Variants in NAA11 observed in about 807,000 individuals in gnomAD.
NAA11 encodes N-alpha-acetyltransferase 11.
A neutral mutation model predicts 16.1 loss-of-function variants in NAA11; 15 were observed. That is an observed-to-expected ratio of 0.93 (90% CI 0.62 to 1.44). The LOEUF (loss-of-function observed/expected upper bound fraction) is 1.44. NAA11 is among the 40% of genes most tolerant of loss of function. The pLI is 0.00. For synonymous variants in NAA11, 122 were observed against 112.4 expected, an observed-to-expected ratio of 1.09 and a Z score of -0.54; for missense variants, 298 against 291.3, an observed-to-expected ratio of 1.02 and a Z score of -0.17.
chr4:79,253,190 G>T (rs1647606269), intron 2 of NAA11, among the ~76,000 whole-genome samples: 1 of 152,180 alleles, frequency 6.6e-6, no homozygotes, highest in African/African-American at 2.4e-5. Flanking sequence ...TGCCAAGATG[G>T]TAAAGACTAG....
the NAA11 span, among the ~76,000 whole-genome samples, chr4:79,194,585 C>T: frequency 6.6e-6 from 1 of 151,914 alleles, no homozygotes; most frequent in African/African-American, 2.4e-5. Context: ...TGGAAAGGAA[C>T]TAAAAGGCCT....
At chr4:79,264,611 T>C (rs1722305518) in intron 2 of NAA11, among the ~76,000 whole-genome samples, 1 of 152,186 alleles carries the variant, frequency 6.6e-6, no homozygotes, top group Non-Finnish European at 1.5e-5. Context: ...CGGCCAGATC[T>C]CATGTGTACT....
chr4:79,170,055 G>C, the NAA11 span, among the ~76,000 whole-genome samples: 1 of 152,114 alleles, frequency 6.6e-6, no homozygotes, highest in African/African-American at 2.4e-5. Flanking sequence ...TTTGAATTTG[G>C]GTGGGTCTTT....
chr4:79,223,296 C>A (rs1465541872), downstream of NAA11, among the ~76,000 whole-genome samples: 2 of 147,050 alleles, frequency 1.4e-5, no homozygotes, highest in East Asian at 4.0e-4. Flanking sequence ...ACATATACAC[C>A]ATGGAATACT....
downstream of NAA11, among the ~76,000 whole-genome samples, chr4:79,221,689 G>A (rs1247585014): frequency 5.2e-5 from 6 of 116,468 alleles, no homozygotes; most frequent in Non-Finnish European, 9.6e-5. Flanking sequence ...GTTGATTTGC[G>A]AATATTGAAC....
intron 2 of NAA11, among the ~76,000 whole-genome samples, chr4:79,239,381 T>C (rs1004028858): frequency 6.6e-6 from 1 of 152,042 alleles, no homozygotes; most frequent in African/African-American, 2.4e-5. Context: ...AATTGGGAGA[T>C]TGGTGACAAG....
intron 1 of NAA11, among the ~76,000 whole-genome samples, chr4:79,298,646 A>T (rs997634132): frequency 3.2e-4 from 49 of 152,260 alleles, no homozygotes; most frequent in African/African-American, 1.2e-3. Flanking sequence ...CCCCACACTC[A>T]CTCACACACC....
At chr4:79,204,229 G>C in the NAA11 span, among the ~76,000 whole-genome samples, 1 of 151,778 alleles carries the variant, frequency 6.6e-6, no homozygotes, top group Admixed American at 6.6e-5. Flanking sequence ...TGACAATGTT[G>C]TTTACACTAA....
At chr4:79,251,238 A>G (rs368504341) in intron 2 of NAA11, among the ~76,000 whole-genome samples, 3 of 152,236 alleles carry the variant, frequency 2.0e-5, no homozygotes, top group Admixed American at 6.5e-5. Flanking sequence ...ATGCCCATCA[A>G]TGGTAGATCG....
chr4:79,314,417 T>C (rs1427593415), downstream of NAA11, among the ~76,000 whole-genome samples: 1 of 152,100 alleles, frequency 6.6e-6, no homozygotes, highest in East Asian at 1.9e-4. Flanking sequence ...GATGACAGTG[T>C]GCAAAACAAT....
At chr4:79,264,631 C>A (rs1722306021) in intron 2 of NAA11, among the ~76,000 whole-genome samples, 1 of 152,180 alleles carries the variant, frequency 6.6e-6, no homozygotes, top group Admixed American at 6.5e-5. Context: ...TTCTTTATCT[C>A]AGCATTTGGC....
At chr4:79,303,830 T>C (rs1044922956) in intron 1 of NAA11, among the ~76,000 whole-genome samples, 1 of 152,196 alleles carries the variant, frequency 6.6e-6, no homozygotes, top group African/African-American at 2.4e-5. Context: ...ACCTTTTCAC[T>C]TAAAGATCAA....
chr4:79,324,148 A>G (rs1420115422), intron 1 of NAA11, among the ~76,000 whole-genome samples: 5 of 151,994 alleles, frequency 3.3e-5, no homozygotes, highest in Non-Finnish European at 5.9e-5. Context: ...TTCTTATTTC[A>G]TTTTCCCTCT....
the NAA11 span, among the ~76,000 whole-genome samples, chr4:79,157,076 A>C: frequency 6.6e-6 from 1 of 152,206 alleles, no homozygotes. Flanking sequence ...ACATACCATA[A>C]ACATCACCAT....
chr4:79,189,164 A>AAAAAAAAAAAAAAAAAC, the NAA11 span, among the ~76,000 whole-genome samples: 1 of 148,046 alleles, frequency 6.8e-6, no homozygotes, highest in African/African-American at 2.5e-5. Flanking sequence ...AAAAAAAAAA[A>AAAAAAAAAAAAAAAAAC]CTTATGAAGG....
At chr4:79,268,194 T>A (rs781120646) in intron 2 of NAA11, among the ~76,000 whole-genome samples, 1 of 152,128 alleles carries the variant, frequency 6.6e-6, no homozygotes, top group African/African-American at 2.4e-5. Flanking sequence ...TATTTCAAAA[T>A]AAAATGTTTA....
the NAA11 span, among the ~76,000 whole-genome samples, chr4:79,184,831 T>C: frequency 6.6e-6 from 1 of 152,230 alleles, no homozygotes; most frequent in Non-Finnish European, 1.5e-5. Context: ...ATATAGCACA[T>C]AGACACTGAG....
chr4:79,325,721 C>CA lies in NAA11; in HGVS notation c.156dup (p.Val53CysfsTer14). 1 of 1,614,196 alleles carries CA rather than the reference C, an allele frequency of 6.2e-7. No homozygotes were observed. Among genetic ancestry groups the CA allele is most frequent in the Non-Finnish European group, 8.5e-7 (1 of 1,180,028 alleles). ...TCCATTTTGGCCAGAACATAGCCCA[C>CA]AATCTTCCCGTCCTCATCCTCAGCG... On this transcript the variant is annotated frameshift_variant, in exon 1 of 2. Transcript: ENST00000286794. LOFTEE classifies it high-confidence loss of function.
chr4:79,200,800 C>T, the NAA11 span, among the ~76,000 whole-genome samples: 3 of 151,754 alleles, frequency 2.0e-5, no homozygotes, highest in African/African-American at 7.2e-5. Flanking sequence ...ACAGTGAAAT[C>T]CTGGGCTTTT....
Sources: gnomAD v4.1 joint callset for allele counts (sites outside exome capture counted in the v4.1 genomes callset) on GRCh38, gnomAD v4.1.1 for gene constraint, MANE v1.5 for transcripts, NCBI Gene and HGNC (gene_info 2026-07-23, HGNC 2026-07-21) for gene names.